Variants in RASAL2 observed in about 807,000 individuals in gnomAD.
The protein encoded by RASAL2 is RAS protein activator like 2.
RASAL2 carries 58 observed loss-of-function variants against 128.9 expected under a neutral mutation model. The observed-to-expected ratio is 0.45, with a 90% CI of 0.36 to 0.56. The LOEUF (loss-of-function observed/expected upper bound fraction) is 0.56, where lower values mean the gene tolerates loss of function less well. Ranked by LOEUF, RASAL2 falls within the 20% of genes least tolerant of loss-of-function variation. The probability of loss-of-function intolerance (pLI) is 0.00; values close to 1 mark genes in which losing one functional copy is unlikely to be tolerated. For synonymous variants in RASAL2, 561 were observed against 580.8 expected, an observed-to-expected ratio of 0.97 and a Z score of 0.49; for missense variants, 1,360 against 1,601.6, an observed-to-expected ratio of 0.85 and a Z score of 2.57.
intron 3 of RASAL2, among the ~76,000 whole-genome samples, chr1:178,349,446 C>T (rs1670343252): frequency 6.6e-6 from 1 of 151,712 alleles, no homozygotes; most frequent in African/African-American, 2.4e-5. Context: ...GAAAGTTCAC[C>T]AGTCTATGTG....
intron 1 of RASAL2, among the ~76,000 whole-genome samples, chr1:178,108,710 T>C (rs1192556866): frequency 1.3e-5 from 2 of 152,224 alleles, no homozygotes; most frequent in East Asian, 3.8e-4. Flanking sequence ...TTCAGTATGA[T>C]GTTTGTTAAT....
intron 1 of RASAL2, among the ~76,000 whole-genome samples, chr1:178,236,204 G>C (rs1028400613): frequency 7.2e-5 from 11 of 152,084 alleles, no homozygotes; most frequent in African/African-American, 2.7e-4. Context: ...TGTTACATCA[G>C]CTATAAAGTT....
At chr1:178,297,607 CAAAAAAA>C (rs34825546) in intron 2 of RASAL2, among the ~76,000 whole-genome samples, 1 of 57,194 alleles carries the variant, frequency 1.7e-5, no homozygotes, top group Non-Finnish European at 3.9e-5. Context: ...GACTCCATCT[CAAAAAAA>C]AAAAAAAAAA....
chr1:178,234,702 T>G (rs1664156164), intron 1 of RASAL2, among the ~76,000 whole-genome samples: 1 of 152,152 alleles, frequency 6.6e-6, no homozygotes, highest in Non-Finnish European at 1.5e-5. Flanking sequence ...AGTATCTTCA[T>G]GACCAGCTGA....
chr1:178,250,026 G>C (rs897876338), intron 1 of RASAL2, among the ~76,000 whole-genome samples: 1 of 152,182 alleles, frequency 6.6e-6, no homozygotes, highest in East Asian at 1.9e-4. Context: ...CCACTCAGGA[G>C]GCTTGGCGGT....
chr1:178,293,834 C>CG lies in RASAL2; in HGVS notation c.331-6156dup, dbSNP rs1667382591. Among the ~76,000 whole-genome samples the CG allele has an allele frequency of 2.0e-5, 3 of 152,162 alleles. No individual in the cohort carries two copies. In the South Asian group the frequency reaches 6.2e-4, roughly 32 times the overall value. On this transcript the variant is annotated intron_variant, in intron 2 of 17. Transcript: ENST00000367649. ...ATAATGACAGAGAAAGATGTGTTAC[C>CG]GGAGAACTAAATGGAAGTGTACCTT...
chr1:178,304,007 T>C (rs1667881368), intron 3 of RASAL2, among the ~76,000 whole-genome samples: 3 of 152,172 alleles, frequency 2.0e-5, no homozygotes, highest in Admixed American at 2.0e-4. Flanking sequence ...TTCTGTTTGT[T>C]GACTTGGGTA....
chr1:178,141,772 C>T (rs1233925363), intron 1 of RASAL2, among the ~76,000 whole-genome samples: 1 of 151,960 alleles, frequency 6.6e-6, no homozygotes, highest in East Asian at 1.9e-4. Context: ...ATTTGAAGAA[C>T]GATGTGTTGT....
At chr1:178,136,913 G>A (rs1240151552) in intron 1 of RASAL2, among the ~76,000 whole-genome samples, 1 of 151,960 alleles carries the variant, frequency 6.6e-6, no homozygotes, top group Admixed American at 6.6e-5. Flanking sequence ...AAGAAGAAAA[G>A]CTTGACAATT....
At chr1:178,314,899 A>G in intron 3 of RASAL2, among the ~76,000 whole-genome samples, 1 of 146,158 alleles carries the variant, frequency 6.8e-6, no homozygotes, top group African/African-American at 2.5e-5. Context: ...CTAACTCGTC[A>G]TCTAGCATTA....
intron 1 of RASAL2, among the ~76,000 whole-genome samples, chr1:178,263,789 A>G (rs901016880): frequency 6.6e-6 from 1 of 152,198 alleles, no homozygotes; most frequent in Non-Finnish European, 1.5e-5. Context: ...TCCTGGACTC[A>G]AGCGATCCTC....
chr1:178,212,635 G>T (rs1663292353), intron 1 of RASAL2, among the ~76,000 whole-genome samples: 1 of 152,050 alleles, frequency 6.6e-6, no homozygotes, highest in Admixed American at 6.6e-5. Flanking sequence ...GGGACTACAG[G>T]TATGCACCAC....
intron 3 of RASAL2, among the ~76,000 whole-genome samples, chr1:178,324,753 C>G (rs1668955305): frequency 6.6e-6 from 1 of 151,954 alleles, no homozygotes. Flanking sequence ...TTAGGTAGCC[C>G]AAGATTGGCT....
intron 1 of RASAL2, among the ~76,000 whole-genome samples, chr1:178,268,560 A>C (rs1221576828): frequency 6.6e-6 from 1 of 152,094 alleles, no homozygotes; most frequent in Non-Finnish European, 1.5e-5. Context: ...GTTAAAGGTC[A>C]CAATGAGCTA....
chr1:178,334,872 C>T (rs762361153), intron 3 of RASAL2, among the ~76,000 whole-genome samples: 11 of 151,880 alleles, frequency 7.2e-5, no homozygotes, highest in Non-Finnish European at 1.3e-4. Flanking sequence ...GCAGGAGAAT[C>T]GCTTGAACCC....
At chr1:178,372,761 ATT>A (rs1203996309) in intron 3 of RASAL2, among the ~76,000 whole-genome samples, 1 of 152,302 alleles carries the variant, frequency 6.6e-6, no homozygotes, top group East Asian at 1.9e-4. Flanking sequence ...GGTGTGAAAT[ATT>A]TGTAATGCTT....
chr1:178,279,741 A>G (rs990356832), intron 1 of RASAL2, among the ~76,000 whole-genome samples: 4 of 152,174 alleles, frequency 2.6e-5, no homozygotes, highest in Non-Finnish European at 4.4e-5. Context: ...AAGAGTATTT[A>G]TTGCTAATGA....
intron 3 of RASAL2, among the ~76,000 whole-genome samples, chr1:178,366,516 T>A (rs1412241096): frequency 6.6e-6 from 1 of 151,506 alleles, no homozygotes; most frequent in East Asian, 1.9e-4. Context: ...GGAGAAAATG[T>A]GGTGATTGTA....
chr1:178,189,527 G>A (rs184353106), intron 1 of RASAL2, among the ~76,000 whole-genome samples: 56 of 152,226 alleles, frequency 3.7e-4, no homozygotes, highest in African/African-American at 1.2e-3. Flanking sequence ...TTCAGTAAAG[G>A]CCACAGCATT....
Sources: gnomAD v4.1 joint callset for allele counts (sites outside exome capture counted in the v4.1 genomes callset) on GRCh38, gnomAD v4.1.1 for gene constraint, MANE v1.5 for transcripts, NCBI Gene and HGNC (gene_info 2026-07-23, HGNC 2026-07-21) for gene names.